Variants in CNTNAP5 observed in about 807,000 individuals in gnomAD.
The protein encoded by CNTNAP5 is contactin associated protein family member 5, also known as contactin-associated protein-like 5.
CNTNAP5 carries 72 observed loss-of-function variants against 150.2 expected under a neutral mutation model. The observed-to-expected ratio is 0.48, with a 90% CI of 0.40 to 0.58. CNTNAP5 has a LOEUF of 0.58. Among genes scored for constraint, CNTNAP5 ranks in the 20% least tolerant of loss-of-function variants. The pLI is 0.00. For missense variants in CNTNAP5, 1,636 were observed against 1,626.2 expected (o/e 1.01, Z -0.10); for synonymous variants, 672 against 619.8 (o/e 1.08, Z -1.25).
intron 1 of CNTNAP5, among the ~76,000 whole-genome samples, chr2:124,127,432 A>G (rs1683733825): frequency 1.3e-5 from 2 of 152,196 alleles, no homozygotes; most frequent in South Asian, 4.1e-4. Flanking sequence ...ATGGAAGAAC[A>G]TTCCATGCTC....
intron 3 of CNTNAP5, among the ~76,000 whole-genome samples, chr2:124,287,355 G>A (rs936764250): frequency 6.6e-6 from 1 of 152,124 alleles, no homozygotes; most frequent in East Asian, 1.9e-4. Flanking sequence ...ATGTAAATTA[G>A]GGTTGATAAA....
chr2:124,147,931 G>A (rs1185918319), intron 1 of CNTNAP5, among the ~76,000 whole-genome samples: 1 of 152,200 alleles, frequency 6.6e-6, no homozygotes, highest in Non-Finnish European at 1.5e-5. Context: ...GCCGAATAAA[G>A]CCGGCCGTTA....
intron 21 of CNTNAP5, among the ~76,000 whole-genome samples, chr2:124,894,248 A>G (rs577877295): frequency 5.1e-4 from 76 of 147,726 alleles, no homozygotes; most frequent in Non-Finnish European, 6.9e-4. Flanking sequence ...TATGGCTTTT[A>G]CATTTTTTTG....
chr2:124,906,234 G>A (rs1678534415), intron 22 of CNTNAP5, among the ~76,000 whole-genome samples: 1 of 152,114 alleles, frequency 6.6e-6, no homozygotes. Flanking sequence ...ATATGGGTGA[G>A]GGAGTATTAT....
chr2:124,802,003 G>T (rs1222451385), intron 19 of CNTNAP5, among the ~76,000 whole-genome samples: 1 of 152,128 alleles, frequency 6.6e-6, no homozygotes, highest in East Asian at 1.9e-4. Flanking sequence ...TGTTAGTCTA[G>T]CTGTCTTAAC....
At chr2:124,375,471 G>C (rs1690623127) in intron 3 of CNTNAP5, among the ~76,000 whole-genome samples, 1 of 152,044 alleles carries the variant, frequency 6.6e-6, no homozygotes, top group African/African-American at 2.4e-5. Flanking sequence ...AAACTGAGGG[G>C]CATTCTATAA....
chr2:124,280,592 G>A (rs1687989018), intron 3 of CNTNAP5, among the ~76,000 whole-genome samples: 1 of 152,004 alleles, frequency 6.6e-6, no homozygotes, highest in African/African-American at 2.4e-5. Context: ...GCACCAAAGG[G>A]AGACAGCAAA....
In CNTNAP5 at chr2:124,381,830, G is replaced by A. The variant is rs145606822; in HGVS notation, c.382-35613G>A. On this transcript the variant is annotated intron_variant, in intron 3 of 23. Transcript: ENST00000682447. Reference sequence around the variant, plus strand: ...CCACTTAGGGAAAGATCTTCCTGTGGTTGATGAAGAGAATGGGACACACGA... The same window carrying A: ...CCACTTAGGGAAAGATCTTCCTGTGATTGATGAAGAGAATGGGACACACGA... Among the ~76,000 whole-genome samples the A allele has an allele frequency of 3.5e-3, 527 of 152,166 alleles. 3 individuals carry two copies. The highest frequency in any genetic ancestry group is 0.012 in the African/African-American group (504 of 41,514).
chr2:124,841,238 A>C (rs1273515704), intron 19 of CNTNAP5, among the ~76,000 whole-genome samples: 2 of 152,074 alleles, frequency 1.3e-5, no homozygotes, highest in Non-Finnish European at 2.9e-5. Context: ...GGTTAAAAAA[A>C]AGTCATAGCT....
intron 8 of CNTNAP5, among the ~76,000 whole-genome samples, chr2:124,512,875 A>C (rs754713870): frequency 3.9e-5 from 6 of 152,128 alleles, no homozygotes; most frequent in Non-Finnish European, 8.8e-5. Flanking sequence ...GTTTTTTCTG[A>C]TGATTATTGA....
At chr2:124,717,359 A>G (rs894836553) in intron 13 of CNTNAP5, among the ~76,000 whole-genome samples, 4 of 152,224 alleles carry the variant, frequency 2.6e-5, no homozygotes, top group Admixed American at 2.6e-4. Flanking sequence ...GGAATACTTG[A>G]GAATTGAATG....
Position 124,446,686 on chromosome 2 carries a change from G to T in CNTNAP5, c.734-67G>T, listed in dbSNP as rs1692824500. ...ACAGATATAGCTGCTTTTGCTTGTG[G>T]AGCATTCTGGTGTGCAAAGCTGCCC... On this transcript the variant is annotated intron_variant, in intron 5 of 23. Coordinates refer to ENST00000682447, the MANE Select transcript of CNTNAP5 (RefSeq NM_001367498.1). The T allele has an allele frequency of 2.0e-6, 3 of 1,483,522 alleles. No individual in the cohort carries two copies. The Admixed American group carries it at 5.5e-5, about 27-fold the overall frequency. 91.9% of individuals were successfully genotyped at this position (1,483,522 alleles called of 1,614,324 possible). A position where few individuals can be genotyped will look rare whatever the true frequency, so the allele number is the denominator to read the frequency against.
intron 1 of CNTNAP5, among the ~76,000 whole-genome samples, chr2:124,041,066 C>G (rs1681358481): frequency 6.6e-6 from 1 of 152,130 alleles, no homozygotes; most frequent in South Asian, 2.1e-4. Context: ...CATAATTAAG[C>G]ACAGACTGTG....
intron 14 of CNTNAP5, 93 bp from the exon 15 acceptor site, chr2:124,763,579 G>C: frequency 7.8e-7 from 1 of 1,275,458 alleles, no homozygotes; most frequent in Non-Finnish European, 1.1e-6. Flanking sequence ...TGCTGCAACT[G>C]GCCAAATCAC....
chr2:124,797,552 C>T (rs1207832248), intron 18 of CNTNAP5, among the ~76,000 whole-genome samples: 2 of 152,148 alleles, frequency 1.3e-5, no homozygotes, highest in Non-Finnish European at 2.9e-5. Flanking sequence ...TTCTTATTTG[C>T]TGTTTTCGTT....
In CNTNAP5 at chr2:124,702,346, C is replaced by CTTTTTTTTTTTTTTT. The variant is rs71412792; in HGVS notation, c.2078-44847_2078-44833dup. 3.8e-5 allele frequency among the ~76,000 whole-genome samples: 2 copies of CTTTTTTTTTTTTTTT among 52,250 alleles called. 1 individual carries two copies. The highest frequency in any genetic ancestry group is 1.5e-4 in the African/African-American group (2 of 13,396). 34.3% of individuals were successfully genotyped at this position (52,250 alleles called of 152,430 possible). ...ATGTCCTTCTGTGAAACTATGAACACTTTTTTTTTTTTTTTTTTTTTTTTT... is the reference window on the plus strand; with the variant it reads ...ATGTCCTTCTGTGAAACTATGAACACTTTTTTTTTTTTTTTTTTTTTTTTTTTTTTTTTTTTTTTT... On this transcript the variant is annotated intron_variant, in intron 13 of 23. Transcript: ENST00000682447.
At chr2:124,907,338 T>C (rs2104764612) in intron 22 of CNTNAP5, among the ~76,000 whole-genome samples, 1 of 152,040 alleles carries the variant, frequency 6.6e-6, no homozygotes, top group East Asian at 1.9e-4. Flanking sequence ...AAGTCCAACA[T>C]ATTTCAGTAA....
chr2:124,907,529 A>G (rs1467125880), intron 22 of CNTNAP5, among the ~76,000 whole-genome samples: 2 of 148,386 alleles, frequency 1.3e-5, no homozygotes, highest in Non-Finnish European at 3.0e-5. Flanking sequence ...TACATAATAT[A>G]TAGATATAGA....
At chr2:124,561,049 T>A (rs896937571) in intron 10 of CNTNAP5, among the ~76,000 whole-genome samples, 1 of 151,990 alleles carries the variant, frequency 6.6e-6, no homozygotes, top group East Asian at 1.9e-4. Context: ...TCTTGTTTTG[T>A]TGGGGGAGGG....
Sources: gnomAD v4.1 joint callset for allele counts (sites outside exome capture counted in the v4.1 genomes callset) on GRCh38, gnomAD v4.1.1 for gene constraint, MANE v1.5 for transcripts, NCBI Gene and HGNC (gene_info 2026-07-23, HGNC 2026-07-21) for gene names.